The following BAZ2B variants were observed in gnomAD, a reference collection of about 807,000 sequenced individuals.
BAZ2B encodes the protein bromodomain adjacent to zinc finger domain protein 2B.
A neutral mutation model predicts 246.0 loss-of-function variants in BAZ2B; 91 were observed. That is an observed-to-expected ratio of 0.37 (90% CI 0.31 to 0.44). The LOEUF is 0.44. BAZ2B is among the 20% of genes least tolerant of loss of function. BAZ2B has a pLI of 1.00. For synonymous variants in BAZ2B, 855 were observed against 860.0 expected (o/e 0.99, Z 0.10); for missense variants, 2,332 against 2,533.7 (o/e 0.92, Z 1.71).
intron 13 of BAZ2B, among the ~76,000 whole-genome samples, chr2:159,417,341 T>C (rs761339102): frequency 6.6e-6 from 1 of 152,138 alleles, no homozygotes; most frequent in Non-Finnish European, 1.5e-5. Flanking sequence ...CGGCTAATTT[T>C]TGTATTTTTA....
intron 33 of BAZ2B, 73 bp from the exon 34 acceptor site, chr2:159,332,759 C>A: frequency 6.7e-7 from 1 of 1,495,338 alleles, no homozygotes; most frequent in Non-Finnish European, 9.2e-7. Flanking sequence ...TTAAACACAC[C>A]ATAATTCCTA....
chr2:159,388,273 C>T (rs542050215), intron 21 of BAZ2B, among the ~76,000 whole-genome samples: 1 of 152,108 alleles, frequency 6.6e-6, no homozygotes, highest in South Asian at 2.1e-4. Context: ...TGATATTTTT[C>T]TAGAAGTACC....
At chr2:159,625,616 C>T in the BAZ2B span, among the ~76,000 whole-genome samples, 1 of 152,146 alleles carries the variant, frequency 6.6e-6, no homozygotes, top group Admixed American at 6.5e-5. Context: ...CCTTCACTGA[C>T]AAGCAAATGC....
chr2:159,439,386 C>T (rs953373055), intron 6 of BAZ2B, among the ~76,000 whole-genome samples, 174 bp from the exon 7 acceptor site: 1 of 152,184 alleles, frequency 6.6e-6, no homozygotes, highest in Non-Finnish European at 1.5e-5. Flanking sequence ...ACTTAACTTA[C>T]ATGACAGAAC....
At chr2:159,401,217 T>C (rs2065012359) in intron 16 of BAZ2B, among the ~76,000 whole-genome samples, 1 of 152,206 alleles carries the variant, frequency 6.6e-6, no homozygotes, top group Non-Finnish European at 1.5e-5. Context: ...ACCAAGCTGA[T>C]TAAACTATAT....
chr2:159,520,883 G>A (rs1480810081), intron 2 of BAZ2B, among the ~76,000 whole-genome samples: 4 of 152,030 alleles, frequency 2.6e-5, no homozygotes, highest in African/African-American at 9.7e-5. Flanking sequence ...AGTTTGATTC[G>A]TATTTGAACT....
At chr2:159,383,756 T>G in intron 23 of BAZ2B, 76 bp from the exon 24 acceptor site, 5 of 1,264,360 alleles carry the variant, frequency 4.0e-6, no homozygotes, top group Non-Finnish European at 5.6e-6. Flanking sequence ...TGCAATAAAC[T>G]TGATACGTAA....
At chr2:159,601,632 A>T (rs1692172636) in intron 1 of BAZ2B, among the ~76,000 whole-genome samples, 1 of 152,128 alleles carries the variant, frequency 6.6e-6, no homozygotes, top group Admixed American at 6.5e-5. Context: ...GAGGCAGGAG[A>T]ATCACTTGAA....
chr2:159,535,883 C>G (rs1273911833), intron 2 of BAZ2B, among the ~76,000 whole-genome samples: 1 of 152,190 alleles, frequency 6.6e-6, no homozygotes, highest in East Asian at 1.9e-4. Flanking sequence ...TTAGCCAGTG[C>G]TAAACATATC....
At chr2:159,655,983 A>T in the BAZ2B span, among the ~76,000 whole-genome samples, 142,205 of 152,166 alleles carry the variant, frequency 0.93, 66,578 homozygotes, top group African/African-American at 0.97. Context: ...TTCTAGTGAT[A>T]GTTTTATTTC....
the BAZ2B span, among the ~76,000 whole-genome samples, chr2:159,658,540 CAG>C: frequency 1.3e-5 from 2 of 152,042 alleles, no homozygotes; most frequent in African/African-American, 4.8e-5. Flanking sequence ...TTTTTGGAGA[CAG>C]AGTCTTGCTC....
At chr2:159,325,585 G>C (rs2063603291) in intron 35 of BAZ2B, 68 bp downstream of exon 35, 5 of 1,473,446 alleles carry the variant, frequency 3.4e-6, no homozygotes, top group Non-Finnish European at 4.6e-6. Context: ...CTTTAATATG[G>C]TAAAAGGTTT....
chr2:159,702,949 C>T, the BAZ2B span, among the ~76,000 whole-genome samples: 4 of 152,002 alleles, frequency 2.6e-5, no homozygotes, highest in African/African-American at 4.8e-5. Context: ...GAGGCTGAGG[C>T]AGGAGAATGC....
chr2:159,433,700 C>T (rs1559402146), intron 8 of BAZ2B: 1 of 183,806 alleles, frequency 5.4e-6, no homozygotes, highest in Non-Finnish European at 1.1e-5. Flanking sequence ...TTCAAGCTGA[C>T]AAAATACTGT....
intron 14 of BAZ2B, among the ~76,000 whole-genome samples, 199 bp from the exon 15 acceptor site, chr2:159,405,313 G>A (rs1440872829): frequency 1.3e-5 from 2 of 152,160 alleles, no homozygotes; most frequent in African/African-American, 4.8e-5. Context: ...CCAGGTTCAA[G>A]TGATTCTCCT....
At chr2:159,326,687 G>A (rs946723086) in intron 34 of BAZ2B, among the ~76,000 whole-genome samples, 1 of 152,092 alleles carries the variant, frequency 6.6e-6, no homozygotes, top group Non-Finnish European at 1.5e-5. Context: ...AGGATGACAA[G>A]CCACATACTT....
intron 36 of BAZ2B, chr2:159,322,119 T>C (rs1455204148): frequency 6.6e-6 from 1 of 152,210 alleles, no homozygotes; most frequent in Non-Finnish European, 1.5e-5. Context: ...TCTATTTCTT[T>C]GGTGAAATAT....
At chr2:159,348,877 T>G in intron 29 of BAZ2B, 44 bp from the exon 30 acceptor site, 1 of 1,565,770 alleles carries the variant, frequency 6.4e-7, no homozygotes, top group Non-Finnish European at 8.6e-7. Context: ...ATATTTTGAA[T>G]AGGAAATGAC....
At chr2:159,332,818 C>T in intron 33 of BAZ2B, 132 bp from the exon 34 acceptor site, 1 of 1,026,274 alleles carries the variant, frequency 9.7e-7, no homozygotes, top group South Asian at 1.6e-5. Flanking sequence ...ATACAGTAGC[C>T]ATACACATCT....
Sources: gnomAD v4.1 joint callset for allele counts (sites outside exome capture counted in the v4.1 genomes callset) on GRCh38, gnomAD v4.1.1 for gene constraint, MANE v1.5 for transcripts, NCBI Gene and HGNC (gene_info 2026-07-23, HGNC 2026-07-21) for gene names.